Variants in DCAF17 observed in about 807,000 individuals in gnomAD.
The protein encoded by DCAF17 is DDB1- and CUL4-associated factor 17.
DCAF17 carries 48 observed loss-of-function variants against 66.0 expected under a neutral mutation model. That is an observed-to-expected ratio of 0.73 (90% confidence interval 0.58 to 0.92). The LOEUF is 0.92. DCAF17 is among the 40% of genes least tolerant of loss of function. The pLI is 0.00. For synonymous variants in DCAF17, 206 were observed against 214.6 expected (o/e 0.96, Z 0.35); for missense variants, 562 against 622.8 (o/e 0.90, Z 1.04).
intron 3 of DCAF17, among the ~76,000 whole-genome samples, chr2:171,445,746 A>C (rs1450430071): frequency 6.6e-6 from 1 of 152,126 alleles, no homozygotes; most frequent in Non-Finnish European, 1.5e-5. Flanking sequence ...CCAGTGGCAC[A>C]ATCACAGCTC....
chr2:171,437,926 T>C (rs1449241467), intron 2 of DCAF17, among the ~76,000 whole-genome samples: 2 of 152,240 alleles, frequency 1.3e-5, no homozygotes, highest in Admixed American at 6.5e-5. Context: ...TGCTCTTCTT[T>C]TACTAGTTTC....
chr2:171,480,574 A>G (rs765592834), intron 13 of DCAF17, among the ~76,000 whole-genome samples: 72 of 152,230 alleles, frequency 4.7e-4, no homozygotes, highest in Non-Finnish European at 9.1e-4. Flanking sequence ...GTACTCTTGT[A>G]TACATTTGTC....
intron 6 of DCAF17, among the ~76,000 whole-genome samples, chr2:171,454,143 C>G (rs558679662): frequency 1.3e-5 from 2 of 151,938 alleles, no homozygotes; most frequent in South Asian, 2.1e-4. Flanking sequence ...ACACTCCAGC[C>G]TGGGTGACAG....
At chr2:171,458,596 C>G (rs1166222543) in intron 8 of DCAF17, 119 bp downstream of exon 8, 1 of 779,540 alleles carries the variant, frequency 1.3e-6, no homozygotes, top group Non-Finnish European at 2.1e-6. Context: ...ATTCATTTTA[C>G]TCCTATACAT....
At position 171,481,523 on chromosome 2, in the gene DCAF17, T is replaced by C. The variant is rs746101734; in HGVS notation, c.*409T>C. ...AGACAGGGAGAGACAAAAGTAAACA[T>C]GCAGAAAGAAATCTTATATCCTCTA... On this transcript the variant is annotated 3_prime_UTR_variant, in exon 14 of 14. Transcript: ENST00000375255. 1.8e-5 allele frequency: 8 copies of C among 455,040 alleles called. No individual in the cohort carries two copies. Among genetic ancestry groups the C allele is most frequent in the South Asian group, 1.2e-4 (8 of 64,484 alleles). 28.2% of individuals were successfully genotyped at this position (455,040 alleles called of 1,614,324 possible). A position where few individuals can be genotyped will look rare whatever the true frequency, so the allele number is the denominator to read the frequency against.
intron 10 of DCAF17, chr2:171,474,358 T>C (rs1466757605): frequency 4.0e-6 from 1 of 250,072 alleles, no homozygotes; most frequent in Non-Finnish European, 7.8e-6. Flanking sequence ...TTTATTTTGA[T>C]TGGTTTCAGG....
Position 171,435,256 on chromosome 2 carries a change from C to T in DCAF17, c.230+70C>T, listed in dbSNP as rs1210540538. 11 of 1,164,070 alleles carry T rather than the reference C, an allele frequency of 9.4e-6. No individual in the cohort carries two copies. The Admixed American group carries it at 1.8e-4, about 19-fold the overall frequency. 72.1% of individuals were successfully genotyped at this position (1,164,070 alleles called of 1,614,324 possible). A position where few individuals can be genotyped will look rare whatever the true frequency, so the allele number is the denominator to read the frequency against. ...ATCTTAACTATAATTTGTATAGAAC[C>T]ACATGCCTACATTAGTGCCTAGTGA... On this transcript the variant is annotated intron_variant, in intron 2 of 13. Transcript: ENST00000375255.
At chr2:171,436,979 G>A (rs1468355813) in intron 2 of DCAF17, among the ~76,000 whole-genome samples, 1 of 152,012 alleles carries the variant, frequency 6.6e-6, no homozygotes, top group Non-Finnish European at 1.5e-5. Flanking sequence ...TCTCCATGTT[G>A]GTCAGGCTGG....
At position 171,434,592 on chromosome 2, in the gene DCAF17, G is replaced by T. The variant is rs1292702015; in HGVS notation, c.15G>T (p.Arg5=). 3 of 1,527,710 alleles carry T rather than the reference G, an allele frequency of 2.0e-6. No individual in the cohort carries two copies. The highest frequency in any genetic ancestry group is 2.6e-6 in the Non-Finnish European group (3 of 1,143,832). 94.6% of individuals were successfully genotyped at this position (1,527,710 alleles called of 1,614,324 possible). Residue 5 remains arginine, a synonymous_variant, in exon 1 of 14, where the codon CGG becomes CGT. Coordinates refer to ENST00000375255, the MANE Select transcript of DCAF17 (RefSeq NM_025000.4). MGPT[R]KPNVCSRLSR... ...CCCGCGCCTCCATGGGCCCGACCCG[G>T]AAGCCCAACGTGTGCAGCCGGCTGA... is the stretch of plus-strand genomic sequence containing the variant.
At chr2:171,448,557 A>C (rs988049360) in intron 3 of DCAF17, 124 bp from the exon 4 acceptor site, 10 of 832,062 alleles carry the variant, frequency 1.2e-5, no homozygotes, top group Non-Finnish European at 1.8e-5. Flanking sequence ...TTGGGCATTT[A>C]ATCTTTCTTT....
intron 2 of DCAF17, among the ~76,000 whole-genome samples, chr2:171,442,753 G>A (rs1694378305): frequency 6.6e-6 from 1 of 151,272 alleles, no homozygotes; most frequent in African/African-American, 2.4e-5. Context: ...AGTAGCATGA[G>A]CTTGTAGTCC....
Position 171,477,140 on chromosome 2 carries a change from A to G in DCAF17, c.1182+190A>G, listed in dbSNP as rs1259835560. On this transcript the variant is annotated intron_variant, in intron 11 of 13. Transcript: ENST00000375255. ...ATTTCAGATTTAAAGAAAGTTGACT[A>G]TCTTGAGTTTGTCTTTTGCTGATTT... Among the ~76,000 whole-genome samples, 3 of 152,212 alleles carry G rather than the reference A, an allele frequency of 2.0e-5. No individual in the cohort carries two copies. In the East Asian group the frequency reaches 5.8e-4, roughly 29 times the overall value.
chr2:171,448,016 G>T lies in DCAF17; in HGVS notation c.322-665G>T, dbSNP rs191622572. ...TTTCTAGCTTTTCATTTGAGCTTAG[G>T]TTAGAACCACAGTGAATAATGAAGT... On this transcript the variant is annotated intron_variant, in intron 3 of 13. Coordinates refer to ENST00000375255, the MANE Select transcript of DCAF17 (RefSeq NM_025000.4). Among the ~76,000 whole-genome samples the T allele has an allele frequency of 2.6e-5, 4 of 152,344 alleles. No homozygotes were observed. The East Asian group carries it at 7.7e-4, about 29-fold the overall frequency.
chr2:171,448,552 C>A, intron 3 of DCAF17, 129 bp from the exon 4 acceptor site: 3 of 746,168 alleles, frequency 4.0e-6, no homozygotes, highest in Non-Finnish European at 2.0e-6. Flanking sequence ...TCTAGTTGGG[C>A]ATTTAATCTT....
chr2:171,434,667 G>A lies in DCAF17; in HGVS notation c.90G>A (p.Arg30=). ...CFSRDAGVVQ[R]TNLGILRALV... ...CGCGCGACGCAGGCGTGGTGCAGAG[G>A]ACCAACCTGGGCATCCTGCGGGCGC... is the stretch of plus-strand genomic sequence containing the variant. Residue 30 remains arginine, a synonymous_variant, in exon 1 of 14, where the codon AGG becomes AGA. Transcript: ENST00000375255. The A allele has an allele frequency of 1.1e-5, 16 of 1,521,406 alleles. No individual in the cohort carries two copies. Among genetic ancestry groups the A allele is most frequent in the Middle Eastern group, 2.0e-4 (1 of 5,068 alleles). The allele number at this position is 1,521,406 out of a possible 1,614,324, so 94.2% of individuals were successfully genotyped here.
At chr2:171,471,578 T>G (rs1696245464) in intron 9 of DCAF17, among the ~76,000 whole-genome samples, 1 of 152,244 alleles carries the variant, frequency 6.6e-6, no homozygotes, top group South Asian at 2.1e-4. Context: ...TCAACATATT[T>G]AATTACATTA....
chr2:171,480,869 AGT>A (rs1190832240), intron 13 of DCAF17, 103 bp from the exon 14 acceptor site: 2 of 1,383,662 alleles, frequency 1.4e-6, no homozygotes, highest in Non-Finnish European at 2.0e-6. Context: ...TTTTCTTCTA[AGT>A]GTATGTTTGA....
intron 9 of DCAF17, among the ~76,000 whole-genome samples, chr2:171,470,828 C>T (rs958953989): frequency 7.9e-5 from 12 of 152,068 alleles, no homozygotes; most frequent in East Asian, 7.7e-4. Context: ...CAGATACAGC[C>T]GGCCTTCTAT....
In DCAF17 at chr2:171,434,628, G is replaced by T. The variant is rs780114312; in HGVS notation, c.51G>T (p.Ala17=). ...TGTGCAGCCGGCTGAGTCGCCGGGC[G>T]CTGGGCTGCTTCTCGCGCGACGCAG... is the stretch of plus-strand genomic sequence containing the variant. ...PNVCSRLSRR[A]LGCFSRDAGV... Residue 17 remains alanine, a synonymous_variant, in exon 1 of 14, where the codon GCG becomes GCT. Transcript: ENST00000375255. 15 of 1,531,838 alleles carry T rather than the reference G, an allele frequency of 9.8e-6. No homozygotes were observed. The South Asian group carries it at 1.6e-4, about 16-fold the overall frequency. The allele number at this position is 1,531,838 out of a possible 1,614,324, so 94.9% of individuals were successfully genotyped here.
Sources: gnomAD v4.1 joint callset for allele counts (sites outside exome capture counted in the v4.1 genomes callset) on GRCh38, gnomAD v4.1.1 for gene constraint, MANE v1.5 for transcripts, NCBI Gene and HGNC (gene_info 2026-07-23, HGNC 2026-07-21) for gene names.